ENOX2: variants seen among roughly 807,000 people sequenced by gnomAD.
ENOX2 encodes the protein APK1 antigen.
In ENOX2, 36 loss-of-function variants were observed where a neutral mutation model predicts 45.0. That is an observed-to-expected ratio of 0.80 (90% CI 0.61 to 1.06). ENOX2 has a LOEUF of 1.06. Ranked by LOEUF, ENOX2 falls within the 50% of genes least tolerant of loss-of-function variation. The pLI, the probability that ENOX2 is intolerant of heterozygous loss-of-function variation, is 0.00. For synonymous variants in ENOX2, 174 were observed against 152.3 expected (o/e 1.14, Z -1.05); for missense variants, 423 against 462.5 (o/e 0.91, Z 0.78).
chrX:130,711,610 A>G (rs2148244913), intron 3 of ENOX2, among the ~76,000 whole-genome samples: 1 of 111,374 alleles, frequency 9.0e-6, no homozygotes, highest in African/African-American at 3.3e-5. Flanking sequence ...GCCTATATAT[A>G]TAGTAGGTAG....
intron 4 of ENOX2, among the ~76,000 whole-genome samples, chrX:130,695,026 A>C (rs1489589794): frequency 8.9e-6 from 1 of 112,098 alleles, no homozygotes; most frequent in Non-Finnish European, 1.9e-5. Flanking sequence ...TGAAGCTGAA[A>C]GAGATAACAC....
At chrX:130,877,966 A>G (rs1424445609) in intron 2 of ENOX2, among the ~76,000 whole-genome samples, 3 of 112,108 alleles carry the variant, frequency 2.7e-5, no homozygotes, top group Non-Finnish European at 3.8e-5. Context: ...AAAATCTCCA[A>G]TGGAAAACAT....
At chrX:130,836,298 C>T (rs1342717555) in intron 2 of ENOX2, among the ~76,000 whole-genome samples, 1 of 111,607 alleles carries the variant, frequency 9.0e-6, no homozygotes, top group Non-Finnish European at 1.9e-5. Context: ...AGATATGAAA[C>T]ATAACTAGAC....
chrX:130,682,021 C>T (rs963432143), intron 5 of ENOX2, among the ~76,000 whole-genome samples: 1 of 107,569 alleles, frequency 9.3e-6, no homozygotes. Context: ...CACAACCCCC[C>T]CCCCCACCGA....
At chrX:130,705,849 G>A (rs781540277) in intron 3 of ENOX2, among the ~76,000 whole-genome samples, 1 of 111,456 alleles carries the variant, frequency 9.0e-6, no homozygotes, top group Non-Finnish European at 1.9e-5. Context: ...TCTATGAGGC[G>A]GGAAGCACAC....
chrX:130,656,434 T>C, intron 10 of ENOX2, 147 bp downstream of exon 10: 1 of 422,419 alleles, frequency 2.4e-6, no homozygotes. Context: ...AATCAGCCAG[T>C]ATGTACACAT....
Position 130,856,197 on chromosome X carries a change from G to A in ENOX2, c.-183+45487C>T, listed in dbSNP as rs146612542. Among the ~76,000 whole-genome samples, 573 of 112,390 alleles carry A rather than the reference G, an allele frequency of 5.1e-3. 1 individual carries two copies. The highest frequency in any genetic ancestry group is 0.018 in the African/African-American group (547 of 30,986). On this transcript the variant is annotated intron_variant, in intron 2 of 14. Coordinates refer to ENST00000394363, the MANE Select transcript of ENOX2 (RefSeq NM_006375.4). The stretch of plus-strand genomic sequence containing the variant: ...TACAGAATGCCTTATCCACCATGAT[G>A]GTATTACACGTAGCACCATTTTTGA...
At chrX:130,832,160 C>T (rs371569311) in intron 2 of ENOX2, among the ~76,000 whole-genome samples, 6 of 110,715 alleles carry the variant, frequency 5.4e-5, no homozygotes, top group Admixed American at 9.7e-5. Flanking sequence ...AAATATGCTC[C>T]GTCTCACTAT....
At chrX:130,777,943 A>G (rs1279821410) in intron 3 of ENOX2, among the ~76,000 whole-genome samples, 1 of 112,236 alleles carries the variant, frequency 8.9e-6, no homozygotes, top group Admixed American at 9.4e-5. Flanking sequence ...CCTTTTTCTT[A>G]TTTTAATTCT....
chrX:130,826,106 A>C (rs1404520948), intron 2 of ENOX2, among the ~76,000 whole-genome samples: 2 of 111,285 alleles, frequency 1.8e-5, no homozygotes, highest in Non-Finnish European at 3.8e-5. Context: ...ACTACTGTAT[A>C]CCATGTTTTC....
chrX:130,689,500 A>G (rs1000480059), intron 4 of ENOX2, among the ~76,000 whole-genome samples: 2 of 112,302 alleles, frequency 1.8e-5, no homozygotes, highest in Non-Finnish European at 3.8e-5. Flanking sequence ...TAGGGTTAAT[A>G]TCACCTACGC....
At chrX:130,661,576 C>G (rs2036689847) in intron 9 of ENOX2, among the ~76,000 whole-genome samples, 1 of 111,766 alleles carries the variant, frequency 8.9e-6, no homozygotes, top group South Asian at 3.8e-4. Context: ...AGCTTCTACA[C>G]TTATGTAGAA....
intron 2 of ENOX2, among the ~76,000 whole-genome samples, chrX:130,872,432 T>G (rs1395494660): frequency 8.9e-6 from 1 of 111,926 alleles, no homozygotes; most frequent in Non-Finnish European, 1.9e-5. Flanking sequence ...TGTTTCCGCA[T>G]GGTGGCATAT....
At chrX:130,805,513 G>A (rs1180509507) in intron 2 of ENOX2, among the ~76,000 whole-genome samples, 9 of 111,420 alleles carry the variant, frequency 8.1e-5, no homozygotes, top group Non-Finnish European at 1.7e-4. Flanking sequence ...AATTGCTTTC[G>A]AGCCATGTGT....
At chrX:130,685,826 T>C in intron 5 of ENOX2, among the ~76,000 whole-genome samples, 1 of 111,306 alleles carries the variant, frequency 9.0e-6, no homozygotes, top group Non-Finnish European at 1.9e-5. Flanking sequence ...GTAGAAGTGA[T>C]GGATTGAAGA....
At chrX:130,877,444 G>C (rs144774231) in intron 2 of ENOX2, among the ~76,000 whole-genome samples, 1,656 of 111,954 alleles carry the variant, frequency 0.015, 29 homozygotes, top group Non-Finnish European at 0.021. Context: ...CCTTTCCCCA[G>C]ATATGGAATA....
chrX:130,782,611 T>G (rs905789552), intron 3 of ENOX2, among the ~76,000 whole-genome samples: 2 of 111,991 alleles, frequency 1.8e-5, no homozygotes, highest in African/African-American at 6.5e-5. Context: ...TATGATACAT[T>G]TGTAAACATG....
intron 6 of ENOX2, among the ~76,000 whole-genome samples, chrX:130,674,707 C>T (rs956058054): frequency 3.7e-5 from 4 of 107,842 alleles, no homozygotes; most frequent in African/African-American, 6.8e-5. Context: ...CATGCTGGTG[C>T]GCTGCACCCA....
Position 130,635,058 on chromosome X carries a change from T to C in ENOX2, c.1345A>G (p.Lys449Glu). 8.5e-7 allele frequency: 1 copy of C among 1,183,101 alleles called. No individual in the cohort carries two copies. Among genetic ancestry groups the C allele is most frequent in the Admixed American group, 2.2e-5 (1 of 45,340 alleles). ...LLKVQEEYKKKEAELEKLKDD... is the reference protein window; with the variant it reads ...LLKVQEEYKKEEAELEKLKDD... ...TTGAGTTTTTCAAGTTCAGCTTCTT[T>C]CTTTTTGTATTCCTCTTGGACTTTG... is the stretch of plus-strand genomic sequence containing the variant. Residue 449 changes from lysine (K) to glutamate (E), a missense_variant, in exon 12 of 15, where the codon AAA (lysine) becomes GAA (glutamate). Lys to Glu is a moderately conservative substitution (Grantham distance 56, BLOSUM62 1). Around this residue, in one of 5 missense-constraint regions of ENOX2, gnomAD observed 108 missense variants for 70.6 expected, o/e 1.53. Coordinates refer to ENST00000394363, the MANE Select transcript of ENOX2 (RefSeq NM_006375.4).
Sources: gnomAD v4.1 joint callset for allele counts (sites outside exome capture counted in the v4.1 genomes callset) on GRCh38, gnomAD v4.1.1 for gene constraint, gnomAD v4.1.1 regional missense constraint, MANE v1.5 for transcripts, NCBI Gene and HGNC (gene_info 2026-07-23, HGNC 2026-07-21) for gene names.